The following PPM1L variants were observed in gnomAD, a reference collection of about 807,000 sequenced individuals.
The protein encoded by PPM1L is protein phosphatase, Mg2+/Mn2+ dependent 1L, also known as protein phosphatase 1L.
A neutral mutation model predicts 31.4 loss-of-function variants in PPM1L; 13 were observed. The observed-to-expected ratio is 0.41, with a 90% CI of 0.27 to 0.66. PPM1L has a LOEUF of 0.66. PPM1L is among the 30% of genes least tolerant of loss of function. PPM1L has a pLI of 0.29. For synonymous variants in PPM1L, 184 were observed against 175.4 expected (o/e 1.05, Z -0.39); for missense variants, 326 against 453.7 (o/e 0.72, Z 2.56).
intron 1 of PPM1L, among the ~76,000 whole-genome samples, chr3:160,847,843 A>C (rs1714129401): frequency 2.0e-5 from 3 of 152,028 alleles, no homozygotes; most frequent in Non-Finnish European, 2.9e-5. Context: ...GAACACCACC[A>C]TGCTTCCTGC....
chr3:160,766,181 AT>A (rs1400131361), intron 1 of PPM1L, among the ~76,000 whole-genome samples: 1 of 152,150 alleles, frequency 6.6e-6, no homozygotes, highest in Admixed American at 6.6e-5. Context: ...GAGCATTTTT[AT>A]TAATATTTAT....
At chr3:160,930,702 G>A (rs1396968418) in intron 1 of PPM1L, among the ~76,000 whole-genome samples, 8 of 152,276 alleles carry the variant, frequency 5.3e-5, no homozygotes, top group Non-Finnish European at 7.4e-5. Context: ...GGGAAGCTTC[G>A]TATGGGAAAC....
chr3:161,001,222 CAAA>C (rs1287611393), intron 2 of PPM1L, among the ~76,000 whole-genome samples: 1 of 152,030 alleles, frequency 6.6e-6, no homozygotes, highest in Non-Finnish European at 1.5e-5. Context: ...AAACAAAAAA[CAAA>C]AACAACAACA....
rs536993701 is a variant in PPM1L, at chr3:160,975,419, G to A, written c.574+13509G>A. 6.7e-3 allele frequency among the ~76,000 whole-genome samples: 1,023 copies of A among 152,230 alleles called. 7 individuals are homozygous for A. Among genetic ancestry groups the A allele is most frequent in the Non-Finnish European group, 8.8e-3 (599 of 68,020 alleles). On this transcript the variant is annotated intron_variant, in intron 2 of 3. Coordinates refer to ENST00000498165, the MANE Select transcript of PPM1L (RefSeq NM_139245.4). Reference sequence around the variant, plus strand: ...TTCCAATTCTGTGAAGAAAATCATCGGTAGCTTGATGGGGATGGCATTGAA... The same window carrying A: ...TTCCAATTCTGTGAAGAAAATCATCAGTAGCTTGATGGGGATGGCATTGAA...
intron 2 of PPM1L, among the ~76,000 whole-genome samples, chr3:160,982,611 C>A (rs1021484697): frequency 6.6e-6 from 1 of 152,154 alleles, no homozygotes; most frequent in Non-Finnish European, 1.5e-5. Flanking sequence ...CAGCAGTTGC[C>A]CTCAGTACAA....
chr3:161,020,285 C>A (rs1472456822), intron 2 of PPM1L, among the ~76,000 whole-genome samples: 2 of 151,970 alleles, frequency 1.3e-5, no homozygotes, highest in African/African-American at 4.8e-5. Flanking sequence ...TACACCAGGA[C>A]ATCTAAAATA....
In PPM1L at chr3:160,756,547, C is replaced by T. The variant is rs1319911540; in HGVS notation, c.239C>T (p.Ala80Val). ...CTCGGGGGGCTTGATGTGCTCGAGGCCGAGTTTTCCAAGACCTGGGAGTTC... is the reference window on the plus strand; with the variant it reads ...CTCGGGGGGCTTGATGTGCTCGAGGTCGAGTTTTCCAAGACCTGGGAGTTC... Reference protein sequence around the residue: ...DRLGGLDVLEAEFSKTWEFKN... With the variant: ...DRLGGLDVLEVEFSKTWEFKN... The change falls in exon 1 of 4, where the codon GCC (alanine) becomes GTC (valine). Residue 80 changes from alanine to valine, a missense_variant. Around this residue, in one of 3 missense-constraint regions of PPM1L, gnomAD observed 83 missense variants for 79.4 expected, o/e 1.04. Transcript: ENST00000498165. This position sits in a 1 kb window ranked among gnomAD's most constrained non-coding sequence, Gnocchi z 6.2. 5 of 1,613,998 alleles carry T rather than the reference C, an allele frequency of 3.1e-6. No individual in the cohort carries two copies. The African/African-American group carries it at 6.7e-5, about 22-fold the overall frequency.
At position 160,876,822 on chromosome 3, in the gene PPM1L, T is replaced by C. The variant is rs528159720; in HGVS notation, c.400-84914T>C. 2.0e-5 allele frequency among the ~76,000 whole-genome samples: 3 copies of C among 152,228 alleles called. No homozygotes were observed. In the South Asian group the frequency reaches 6.2e-4, roughly 32 times the overall value. ...TTTTCCCTAATGACACAGAAGGGAA[T>C]GAAAAAAGGCTTCATGTTGTTTTAG... On this transcript the variant is annotated intron_variant, in intron 1 of 3. Coordinates refer to ENST00000498165, the MANE Select transcript of PPM1L (RefSeq NM_139245.4).
chr3:161,031,330 A>G (rs60530501), intron 2 of PPM1L, among the ~76,000 whole-genome samples: 1,783 of 152,338 alleles, frequency 0.012, 42 homozygotes, highest in African/African-American at 0.041. Flanking sequence ...AGCAACAACT[A>G]TGTACCAGGA....
intron 2 of PPM1L, among the ~76,000 whole-genome samples, chr3:160,970,887 T>C (rs1487294579): frequency 7.1e-6 from 1 of 140,596 alleles, no homozygotes; most frequent in Non-Finnish European, 1.5e-5. Context: ...CCCCCTGGGG[T>C]TCACGCCATT....
intron 2 of PPM1L, among the ~76,000 whole-genome samples, chr3:160,972,588 C>T (rs1192055344): frequency 6.6e-6 from 1 of 152,128 alleles, no homozygotes; most frequent in Non-Finnish European, 1.5e-5. Flanking sequence ...TTTTCTTAAT[C>T]CAGTCTATCA....
intron 2 of PPM1L, among the ~76,000 whole-genome samples, chr3:160,972,277 C>A (rs1716371163): frequency 6.6e-6 from 1 of 151,868 alleles, no homozygotes. Flanking sequence ...TATACATGTG[C>A]CATGTTGGTG....
chr3:160,973,251 C>T (rs1413878788), intron 2 of PPM1L, among the ~76,000 whole-genome samples: 1 of 152,292 alleles, frequency 6.6e-6, no homozygotes. Flanking sequence ...ATCAAGTTGT[C>T]CTTGTTTGCC....
At chr3:160,938,970 G>C (rs1470908491) in intron 1 of PPM1L, among the ~76,000 whole-genome samples, 2 of 152,180 alleles carry the variant, frequency 1.3e-5, no homozygotes, top group Non-Finnish European at 2.9e-5. Context: ...TATTAGAGCA[G>C]CTCCAAGGCA....
chr3:161,038,105 G>C (rs965345790), intron 2 of PPM1L, among the ~76,000 whole-genome samples: 8 of 151,172 alleles, frequency 5.3e-5, no homozygotes, highest in Admixed American at 5.3e-4. Flanking sequence ...GTAGTGGCGG[G>C]CGCCTGTAGT....
intron 2 of PPM1L, among the ~76,000 whole-genome samples, chr3:161,061,363 G>A (rs1029696213): frequency 6.6e-6 from 1 of 152,156 alleles, no homozygotes; most frequent in African/African-American, 2.4e-5. Context: ...AGATTCTGTT[G>A]CTAACATAGG....
chr3:160,810,053 A>G lies in PPM1L; in HGVS notation c.399+53346A>G, dbSNP rs148512512. 5.8e-3 allele frequency among the ~76,000 whole-genome samples: 882 copies of G among 151,952 alleles called. 12 individuals carry two copies. Among genetic ancestry groups the G allele is most frequent in the African/African-American group, 0.02 (821 of 41,448 alleles). On this transcript the variant is annotated intron_variant, in intron 1 of 3. Coordinates refer to ENST00000498165, the MANE Select transcript of PPM1L (RefSeq NM_139245.4). The stretch of plus-strand genomic sequence containing the variant: ...GCCCTTAGGAGGAATTCACATCTTA[A>G]TTCCTTTCCTTTATCTGCCATCCCT...
chr3:161,042,881 G>A lies in PPM1L; in HGVS notation c.575-22522G>A, dbSNP rs527980160. ...TAAAAATACAAAAAATTAGCTGGGC[G>A]TAGTGGCAGGCTCCTGTAATCCCAG... On this transcript the variant is annotated intron_variant, in intron 2 of 3. Coordinates refer to ENST00000498165, the MANE Select transcript of PPM1L (RefSeq NM_139245.4). Among the ~76,000 whole-genome samples the A allele has an allele frequency of 1.2e-4, 18 of 151,956 alleles. No homozygotes were observed. In the East Asian group the frequency reaches 2.1e-3, roughly 18 times the overall value.
chr3:160,777,335 G>C (rs926806530), intron 1 of PPM1L, among the ~76,000 whole-genome samples: 2 of 152,014 alleles, frequency 1.3e-5, no homozygotes, highest in Non-Finnish European at 2.9e-5. Flanking sequence ...AAAAAATTAA[G>C]TACATAATTT....
Sources: gnomAD v4.1 joint callset for allele counts (sites outside exome capture counted in the v4.1 genomes callset) on GRCh38, gnomAD v4.1.1 for gene constraint, gnomAD v4.1.1 regional missense constraint, Gnocchi (gnomAD v3.1) non-coding constraint, MANE v1.5 for transcripts, NCBI Gene and HGNC (gene_info 2026-07-23, HGNC 2026-07-21) for gene names.